Variants in SMS observed in about 807,000 individuals in gnomAD.
SMS encodes the protein spermidine aminopropyltransferase.
SMS carries 3 observed loss-of-function variants against 33.0 expected under a neutral mutation model. That is an observed-to-expected ratio of 0.09 (90% CI 0.04 to 0.23). The LOEUF (loss-of-function observed/expected upper bound fraction) is 0.23, where lower values mean the gene tolerates loss of function less well. Among genes scored for constraint, SMS ranks in the 10% least tolerant of loss-of-function variants. The probability of loss-of-function intolerance (pLI) is 1.00; values close to 1 mark genes in which losing one functional copy is unlikely to be tolerated. For missense variants in SMS, 117 were observed against 288.6 expected (o/e 0.41, Z 4.31); for synonymous variants, 103 against 112.2 (o/e 0.92, Z 0.52).
chrX:21,974,805 C>T (rs756624557), intron 4 of SMS, among the ~76,000 whole-genome samples: 1 of 108,383 alleles, frequency 9.2e-6, no homozygotes, highest in South Asian at 4.0e-4. Context: ...ATTGGGTATA[C>T]CTTGTTGTAA....
At chrX:21,953,941 CTT>C (rs768034040) in intron 1 of SMS, among the ~76,000 whole-genome samples, 1 of 75,884 alleles carries the variant, frequency 1.3e-5, no homozygotes, top group South Asian at 5.7e-4. Context: ...GGACTTTTCT[CTT>C]TTTCTAGGTT....
intron 7 of SMS, among the ~76,000 whole-genome samples, chrX:21,980,429 A>AAATAT (rs1260210326): frequency 1.6e-5 from 1 of 63,039 alleles, no homozygotes; most frequent in Non-Finnish European, 3.1e-5. Flanking sequence ...AAAAAAAAAA[A>AAATAT]ATATATATAT....
chrX:21,975,393 A>G (rs886711046), intron 4 of SMS, among the ~76,000 whole-genome samples: 5 of 112,122 alleles, frequency 4.5e-5, no homozygotes, highest in Non-Finnish European at 9.4e-5. Context: ...CTATTGACAC[A>G]ATTGAGAACA....
In SMS at chrX:21,992,704, C is replaced by T. The variant is rs746362282; in HGVS notation, c.1053C>T (p.Tyr351=). 14 of 1,129,455 alleles carry T rather than the reference C, an allele frequency of 1.2e-5. No individual in the cohort carries two copies. The South Asian group carries it at 2.6e-4, about 21-fold the overall frequency. The allele number at this position is 1,129,455 out of a possible 1,213,427, so 93.1% of individuals were successfully genotyped here. The change falls in exon 10 of 11, where the codon TAC becomes TAT. Residue 351 remains tyrosine, a synonymous_variant. Coordinates refer to ENST00000404933, the MANE Select transcript of SMS (RefSeq NM_004595.5). ...FSKEIVCVPS[Y]LELWVFYTVW... Reference sequence around the variant, plus strand: ...AGGAGATCGTCTGTGTCCCTTCATACTTGGAATTGTATCCTTTGACCGTGA... The same window carrying T: ...AGGAGATCGTCTGTGTCCCTTCATATTTGGAATTGTATCCTTTGACCGTGA...
At chrX:21,955,751 C>A (rs1041202298) in intron 1 of SMS, among the ~76,000 whole-genome samples, 4 of 111,696 alleles carry the variant, frequency 3.6e-5, no homozygotes, top group Non-Finnish European at 5.6e-5. Context: ...TGAAGAGCAT[C>A]GTAGGATACC....
chrX:21,953,002 G>A (rs1350205467), intron 1 of SMS, among the ~76,000 whole-genome samples: 1 of 108,457 alleles, frequency 9.2e-6, no homozygotes, highest in Non-Finnish European at 1.9e-5. Flanking sequence ...ACCTCAAGCA[G>A]TTGACGCACC....
At chrX:21,951,768 A>G (rs1922621005) in intron 1 of SMS, among the ~76,000 whole-genome samples, 1 of 106,948 alleles carries the variant, frequency 9.4e-6, no homozygotes. Context: ...TGTGACTGCT[A>G]AATTTTTAGT....
intron 1 of SMS, among the ~76,000 whole-genome samples, chrX:21,946,878 T>C (rs1922274669): frequency 8.9e-6 from 1 of 111,931 alleles, no homozygotes; most frequent in African/African-American, 3.2e-5. Context: ...GTGTCAGTTA[T>C]GCCCACAAAT....
chrX:21,978,693 A>T (rs1163210252), intron 6 of SMS, among the ~76,000 whole-genome samples, 184 bp from the exon 7 acceptor site: 1 of 112,731 alleles, frequency 8.9e-6, no homozygotes, highest in Non-Finnish European at 1.9e-5. Flanking sequence ...GGAGAAAAGA[A>T]GATTAAGTTC....
chrX:21,941,887 A>C (rs1602174270), intron 1 of SMS, among the ~76,000 whole-genome samples: 1 of 29,523 alleles, frequency 3.4e-5, no homozygotes, highest in South Asian at 1.9e-3. Context: ...CCTGTCTCAA[A>C]AAAAAAAAAA....
chrX:21,980,096 A>G (rs963988778), intron 7 of SMS, among the ~76,000 whole-genome samples: 3 of 110,957 alleles, frequency 2.7e-5, no homozygotes, highest in South Asian at 3.7e-4. Context: ...TTAAGTCTAT[A>G]TTATGCTCAA....
At position 21,973,772 on chromosome X, in the gene SMS, A is replaced by G. The variant is rs185660133; in HGVS notation, c.329+1201A>G. 4.4e-5 allele frequency among the ~76,000 whole-genome samples: 5 copies of G among 113,349 alleles called. No homozygotes were observed. In the Admixed American group the frequency reaches 4.6e-4, roughly 10 times the overall value. On this transcript the variant is annotated intron_variant, in intron 4 of 10. Coordinates refer to ENST00000404933, the MANE Select transcript of SMS (RefSeq NM_004595.5). ...TACACAATTCAGTTCCTTAGTCACA[A>G]TAGCTAGTGGTTAGTGTCTGCCATG...
Position 21,971,418 on chromosome X carries a change from G to A in SMS, c.171-479G>A, listed in dbSNP as rs779180462. Reference sequence around the variant, plus strand: ...CAAAAACATACTGTGGGATGGATTAGGTTTGCAGGCAGTTGGCCTGGATTT... The same window carrying A: ...CAAAAACATACTGTGGGATGGATTAAGTTTGCAGGCAGTTGGCCTGGATTT... On this transcript the variant is annotated intron_variant, in intron 2 of 10. Coordinates refer to ENST00000404933, the MANE Select transcript of SMS (RefSeq NM_004595.5). Among the ~76,000 whole-genome samples the A allele has an allele frequency of 1.3e-4, 14 of 111,789 alleles. No individual in the cohort carries two copies. In the East Asian group the frequency reaches 3.6e-3, roughly 29 times the overall value.
rs57792709 is a variant in SMS, at chrX:21,986,347, CAAAAAAAAAA to C, written c.945+1143_945+1152del. Among the ~76,000 whole-genome samples the C allele has an allele frequency of 1.5e-4, 5 of 33,233 alleles. No individual in the cohort carries two copies. The East Asian group carries it at 5.0e-3, about 33-fold the overall frequency. The allele number at this position is 33,233 out of a possible 115,157, so 28.9% of individuals were successfully genotyped here. ...TGGGCCATAGAGCAAGACTACATCT[CAAAAAAAAAA>C]AAAAAAAAAAAAAAAAAAGTCAGGA... On this transcript the variant is annotated intron_variant, in intron 9 of 10. Coordinates refer to ENST00000404933, the MANE Select transcript of SMS (RefSeq NM_004595.5).
intron 1 of SMS, among the ~76,000 whole-genome samples, chrX:21,958,389 T>G (rs919531713): frequency 1.8e-5 from 2 of 112,565 alleles, no homozygotes; most frequent in African/African-American, 6.5e-5. Flanking sequence ...CTTGGCAACC[T>G]TGCCGTAAGT....
In SMS at chrX:21,994,229, A is replaced by T; in HGVS notation, c.1062-83A>T. The stretch of plus-strand genomic sequence containing the variant: ...CCATGAAGCTTTTCATCCATCTTTC[A>T]ATTTGTAGGCCAGCAAACGAATTAC... On this transcript the variant is annotated intron_variant, in intron 10 of 10. Coordinates refer to ENST00000404933, the MANE Select transcript of SMS (RefSeq NM_004595.5). The T allele has an allele frequency of 3.3e-6, 3 of 914,633 alleles. No individual in the cohort carries two copies. The South Asian group carries it at 5.9e-5, about 18-fold the overall frequency. 75.4% of individuals were successfully genotyped at this position (914,633 alleles called of 1,213,427 possible). A position where few individuals can be genotyped will look rare whatever the true frequency, so the allele number is the denominator to read the frequency against.
intron 2 of SMS, among the ~76,000 whole-genome samples, chrX:21,969,694 T>G (rs1409520299): frequency 8.9e-6 from 1 of 112,667 alleles, no homozygotes; most frequent in African/African-American, 3.2e-5. Flanking sequence ...CCAATTCCAG[T>G]TGTACAGGAG....
intron 1 of SMS, among the ~76,000 whole-genome samples, chrX:21,944,522 CAAAAA>C (rs777680386): frequency 8.1e-4 from 28 of 34,712 alleles, no homozygotes; most frequent in African/African-American, 2.3e-3. Flanking sequence ...CCTGTCTCTA[CAAAAA>C]AAAAAAAAAA....
At chrX:21,949,971 C>T (rs1194813814) in intron 1 of SMS, among the ~76,000 whole-genome samples, 1 of 110,387 alleles carries the variant, frequency 9.1e-6, no homozygotes, top group Non-Finnish European at 1.9e-5. Flanking sequence ...AAATCCAAAA[C>T]ACTTTCGGTC....
Sources: allele counts gnomAD v4.1 joint callset (sites outside exome capture counted in the v4.1 genomes callset), GRCh38; gene constraint gnomAD v4.1.1; transcripts MANE v1.5; gene names NCBI Gene and HGNC (gene_info 2026-07-23, HGNC 2026-07-21).